NRG1: variants seen among roughly 807,000 people sequenced by gnomAD.
NRG1 encodes the protein pro-neuregulin-1, membrane-bound isoform.
Under a neutral mutation model 63.8 loss-of-function variants are expected in NRG1, and 18 were observed. The ratio of observed to expected loss-of-function variants is 0.28; its 90% CI spans 0.19 to 0.42. NRG1 has a LOEUF of 0.42. Ranked by LOEUF, NRG1 falls within the 10% of genes least tolerant of loss-of-function variation. The pLI is 1.00. For missense variants in NRG1, 762 were observed against 814.7 expected (o/e 0.94, Z 0.79); for synonymous variants, 302 against 301.3 (o/e 1.00, Z -0.02).
chr8:32,474,374 ACT>A (rs1274844865), intron 1 of NRG1, among the ~76,000 whole-genome samples: 7 of 151,468 alleles, frequency 4.6e-5, no homozygotes, highest in African/African-American at 1.7e-4. Flanking sequence ...CTCACAGCAC[ACT>A]CTCTCCCATG....
chr8:31,860,326 A>G (rs1401643584), intron 1 of NRG1, among the ~76,000 whole-genome samples: 1 of 152,238 alleles, frequency 6.6e-6, no homozygotes, highest in Admixed American at 6.5e-5. Context: ...CATAATGCTG[A>G]AGACATAGTA....
intron 1 of NRG1, among the ~76,000 whole-genome samples, chr8:32,088,798 G>A (rs565686276): frequency 1.2e-4 from 19 of 152,188 alleles, no homozygotes; most frequent in Middle Eastern, 6.8e-3. Flanking sequence ...GATTACAGGC[G>A]TGAGCCACTG....
chr8:32,024,559 G>C (rs1285122320), intron 1 of NRG1, among the ~76,000 whole-genome samples: 1 of 152,134 alleles, frequency 6.6e-6, no homozygotes, highest in East Asian at 1.9e-4. Context: ...AGCCAATGGA[G>C]ATTTATTAAA....
At chr8:32,096,646 G>A (rs1829941557) in intron 1 of NRG1, among the ~76,000 whole-genome samples, 3 of 152,284 alleles carry the variant, frequency 2.0e-5, no homozygotes, top group South Asian at 2.1e-4. Flanking sequence ...TAGAGAGCCC[G>A]TATGTGCAGA....
At chr8:31,915,795 T>A (rs1196638661) in intron 1 of NRG1, among the ~76,000 whole-genome samples, 1 of 152,162 alleles carries the variant, frequency 6.6e-6, no homozygotes, top group Non-Finnish European at 1.5e-5. Context: ...TTTGCCAAGT[T>A]AATTTACACA....
At chr8:31,856,645 G>A (rs529526036) in intron 1 of NRG1, among the ~76,000 whole-genome samples, 49 of 152,296 alleles carry the variant, frequency 3.2e-4, no homozygotes, top group Non-Finnish European at 5.1e-4. Context: ...GCTTTGTTCC[G>A]TTGCTGGTGA....
At chr8:32,286,924 G>A (rs1308687306) in intron 1 of NRG1, among the ~76,000 whole-genome samples, 2 of 152,266 alleles carry the variant, frequency 1.3e-5, no homozygotes, top group East Asian at 3.9e-4. Context: ...TTGAACCCGG[G>A]AGGCAGAGGT....
intron 7 of NRG1, among the ~76,000 whole-genome samples, chr8:32,748,368 G>C (rs201004391): frequency 0.055 from 7,533 of 138,168 alleles, 426 homozygotes; most frequent in East Asian, 0.33. Context: ...CAGAGAGAGA[G>C]AGAGAGAGAG....
At chr8:32,720,809 A>C (rs1335554711) in intron 5 of NRG1, among the ~76,000 whole-genome samples, 4 of 152,104 alleles carry the variant, frequency 2.6e-5, no homozygotes, top group Non-Finnish European at 5.9e-5. Flanking sequence ...TCTGAAAAAA[A>C]CAGAAAAAAA....
intron 1 of NRG1, among the ~76,000 whole-genome samples, chr8:32,175,382 A>G (rs531318040): frequency 8.7e-4 from 133 of 152,326 alleles, no homozygotes; most frequent in Non-Finnish European, 1.6e-3. Context: ...ATCATACTGA[A>G]TGGGCAAAAA....
intron 1 of NRG1, among the ~76,000 whole-genome samples, chr8:32,520,729 A>T (rs1218880996): frequency 6.6e-6 from 1 of 152,192 alleles, no homozygotes; most frequent in East Asian, 1.9e-4. Context: ...TCTGCAATCA[A>T]CTGCAGTCTG....
chr8:32,278,860 G>T (rs1852390608), intron 1 of NRG1, among the ~76,000 whole-genome samples: 1 of 152,214 alleles, frequency 6.6e-6, no homozygotes, highest in Non-Finnish European at 1.5e-5. Flanking sequence ...CTGTGCAGGT[G>T]GCAGCTGACG....
intron 1 of NRG1, among the ~76,000 whole-genome samples, chr8:32,087,896 A>G (rs1828522974): frequency 6.6e-6 from 1 of 152,176 alleles, no homozygotes; most frequent in Non-Finnish European, 1.5e-5. Context: ...ATTGTCGCAT[A>G]TAATGAAGTT....
intron 1 of NRG1, among the ~76,000 whole-genome samples, chr8:31,707,936 A>G (rs756482088): frequency 3.9e-5 from 6 of 152,110 alleles, no homozygotes; most frequent in Non-Finnish European, 8.8e-5. Flanking sequence ...TTTGGATTGT[A>G]CCTAGAGATC....
At chr8:32,025,612 T>A (rs1038666624) in intron 1 of NRG1, among the ~76,000 whole-genome samples, 1 of 152,130 alleles carries the variant, frequency 6.6e-6, no homozygotes, top group African/African-American at 2.4e-5. Context: ...AAGTCGATTT[T>A]TTTTTTTTTT....
intron 1 of NRG1, among the ~76,000 whole-genome samples, chr8:31,874,239 T>TTTTTTTTTC (rs1437240818): frequency 6.6e-6 from 1 of 152,230 alleles, no homozygotes; most frequent in Non-Finnish European, 1.5e-5. Context: ...GCATGATATT[T>TTTTTTTTTC]GCTTAACAAA....
At position 32,728,386 on chromosome 8, in the gene NRG1, A is replaced by G. The variant is rs1822799273; in HGVS notation, c.632+308A>G. On this transcript the variant is annotated intron_variant, in intron 6 of 11. Transcript: ENST00000356819. The stretch of plus-strand genomic sequence containing the variant: ...TTGTTGTTATTCAGAAAAGATGTGC[A>G]GATATCACAGAGGCCTATAACTTTT... 3.0e-6 allele frequency: 3 copies of G among 985,290 alleles called. No individual in the cohort carries two copies. The East Asian group carries it at 3.4e-4, about 112-fold the overall frequency. The allele number at this position is 985,290 out of a possible 1,614,324, so 61.0% of individuals were successfully genotyped here.
chr8:32,574,883 C>T (rs898522606), intron 1 of NRG1, among the ~76,000 whole-genome samples: 1 of 152,330 alleles, frequency 6.6e-6, no homozygotes, highest in South Asian at 2.1e-4. Context: ...ACCTAACTCT[C>T]CTATGTTAGT....
chr8:31,879,908 C>T (rs896116261), intron 1 of NRG1, among the ~76,000 whole-genome samples: 13 of 152,192 alleles, frequency 8.5e-5, no homozygotes, highest in African/African-American at 2.7e-4. Flanking sequence ...TTTATGGATG[C>T]ATACTATTCC....
Sources: allele counts gnomAD v4.1 joint callset (sites outside exome capture counted in the v4.1 genomes callset), GRCh38; gene constraint gnomAD v4.1.1; transcripts MANE v1.5; gene names NCBI Gene and HGNC (gene_info 2026-07-23, HGNC 2026-07-21).